Variants in ERBB3 observed in about 807,000 individuals in gnomAD.
ERBB3 encodes receptor tyrosine-protein kinase erbB-3.
ERBB3 carries 96 observed loss-of-function variants against 156.7 expected under a neutral mutation model. That is an observed-to-expected ratio of 0.61 (90% CI 0.52 to 0.73). The LOEUF is 0.73. Ranked by LOEUF, ERBB3 falls within the 30% of genes least tolerant of loss-of-function variation. ERBB3 has a pLI of 0.00. For missense variants in ERBB3, 1,406 were observed against 1,709.4 expected (o/e 0.82, Z 3.13); for synonymous variants, 567 against 632.0 (o/e 0.90, Z 1.54).
chr12:56,101,550 G>A lies in ERBB3; in HGVS notation c.3524G>A (p.Gly1175Asp), dbSNP rs2136829987. Residue 1175 changes from glycine to aspartate, a missense_variant, in exon 28 of 28, where the codon GGC becomes GAC. Physicochemically the swap from Gly to Asp is moderately conservative, Grantham distance 94. Transcript: ENST00000267101. Reference protein sequence around the residue: ...HLKGTPSSREGTLSSVGLSSV... With the variant: ...HLKGTPSSREDTLSSVGLSSV... ...CCAGGTACTCCCTCCTCCCGGGAAG[G>A]CACCCTTTCTTCAGTGGGTCTCAGT... 3 of 1,614,028 alleles carry A rather than the reference G, an allele frequency of 1.9e-6. No homozygotes were observed. Among genetic ancestry groups the A allele is most frequent in the Non-Finnish European group, 2.5e-6 (3 of 1,179,994 alleles).
In ERBB3 at chr12:56,101,246, T is replaced by C. The variant is rs1869089558; in HGVS notation, c.3387T>C (p.Asp1129=). ...SRSRSPRPRG[D]SAYHSQRHSL... Reference sequence around the variant, plus strand: ...GCCGGAGCCCACGGCCACGCGGAGATAGCGCCTACCATTCCCAGCGCCACA... The same window carrying C: ...GCCGGAGCCCACGGCCACGCGGAGACAGCGCCTACCATTCCCAGCGCCACA... The change falls in exon 27 of 28, where the codon GAT becomes GAC. Residue 1129 remains aspartate, a synonymous_variant. Coordinates refer to ENST00000267101, the MANE Select transcript of ERBB3 (RefSeq NM_001982.4). The C allele has an allele frequency of 1.9e-6, 3 of 1,614,082 alleles. No individual in the cohort carries two copies. Among genetic ancestry groups the C allele is most frequent in the East Asian group, 2.2e-5 (1 of 44,868 alleles).
chr12:56,091,300 A>T (rs60809187), intron 9 of ERBB3, among the ~76,000 whole-genome samples: 1 of 1,688 alleles, frequency 5.9e-4, no homozygotes, highest in Non-Finnish European at 1.3e-3. Context: ...ATATATAAAT[A>T]ATATATATAA....
chr12:56,099,527 G>T, intron 23 of ERBB3, 121 bp from the exon 24 acceptor site: 1 of 805,822 alleles, frequency 1.2e-6, no homozygotes, highest in Non-Finnish European at 2.2e-6. Context: ...TCAAAGTCCC[G>T]ACCTCAGGTG....
rs753637842 is a variant in ERBB3, at chr12:56,088,821, C to T, written c.1062C>T (p.Cys354=). ...GCAACATTGATGGATTTGTGAACTG[C>T]ACCAAGATCCTGGGCAACCTGGACT... is the stretch of plus-strand genomic sequence containing the variant. ...DSSNIDGFVN[C]TKILGNLDFL... The change falls in exon 9 of 28, where the codon TGC becomes TGT. Residue 354 remains cysteine (C), a synonymous_variant. Coordinates refer to ENST00000267101, the MANE Select transcript of ERBB3 (RefSeq NM_001982.4). The T allele has an allele frequency of 6.2e-7, 1 of 1,614,172 alleles. No individual in the cohort carries two copies. The highest frequency in any genetic ancestry group is 8.5e-7 in the Non-Finnish European group (1 of 1,180,028).
intron 15 of ERBB3, 93 bp from the exon 16 acceptor site, chr12:56,095,164 G>A: frequency 1.0e-6 from 1 of 997,018 alleles, no homozygotes; most frequent in Non-Finnish European, 1.6e-6. Context: ...GGATGCCACG[G>A]TAAGTTCTGA....
chr12:56,083,815 G>A lies in ERBB3; in HGVS notation c.147G>A (p.Leu49=), dbSNP rs2136785770. The A allele has an allele frequency of 6.2e-7, 1 of 1,614,108 alleles. No individual in the cohort carries two copies. ...ATGCTGAGAACCAATACCAGACACT[G>A]TACAAGCTCTACGAGAGGTGTGAGG... The part of the protein sequence containing the change: ...TGDAENQYQT[L]YKLYERCEVV... The change falls in exon 2 of 28, where the codon CTG becomes CTA. Residue 49 remains leucine, a synonymous_variant. Transcript: ENST00000267101.
chr12:56,093,622 C>A, intron 12 of ERBB3, 72 bp downstream of exon 12: 1 of 1,562,814 alleles, frequency 6.4e-7, no homozygotes, highest in Non-Finnish European at 8.7e-7. Flanking sequence ...ACTATTCTGC[C>A]CTAGACGTGG....
chr12:56,092,545 A>T (rs369678742), intron 9 of ERBB3, among the ~76,000 whole-genome samples: 1 of 151,680 alleles, frequency 6.6e-6, no homozygotes, highest in Non-Finnish European at 1.5e-5. Context: ...TTTGGGCTGT[A>T]CCCTTAATTC....
In ERBB3 at chr12:56,102,990, C is replaced by G. The variant is rs1269909525; in HGVS notation, c.*935C>G. The G allele has an allele frequency of 4.4e-6, 1 of 229,476 alleles. No individual in the cohort carries two copies. The highest frequency in any genetic ancestry group is 8.6e-6 in the Non-Finnish European group (1 of 115,778). The allele number at this position is 229,476 out of a possible 1,614,324, so 14.2% of individuals were successfully genotyped here. A position where few individuals can be genotyped will look rare whatever the true frequency, so the allele number is the denominator to read the frequency against. ...GGGGAAAAAAAAAAAAGAAACTGAGCCTTAAAGAGATGAAATAAATTAAGC... is the reference window on the plus strand; with the variant it reads ...GGGGAAAAAAAAAAAAGAAACTGAGGCTTAAAGAGATGAAATAAATTAAGC... On this transcript the variant is annotated 3_prime_UTR_variant, in exon 28 of 28. Transcript: ENST00000267101.
intron 9 of ERBB3, among the ~76,000 whole-genome samples, chr12:56,090,332 T>A (rs998912016): frequency 6.6e-6 from 1 of 151,876 alleles, no homozygotes; most frequent in East Asian, 1.9e-4. Context: ...ATCCTCCAAA[T>A]GTTAACATAC....
rs984328693 is a variant in ERBB3, at chr12:56,085,431, G to A, written c.421+250G>A. Reference sequence around the variant, plus strand: ...GGAGTCAGAGCTGGATCTGTTAACCGTTTTTCTAATTTCAAAGTACAGTGT... The same window carrying A: ...GGAGTCAGAGCTGGATCTGTTAACCATTTTTCTAATTTCAAAGTACAGTGT... On this transcript the variant is annotated intron_variant, in intron 3 of 27. Coordinates refer to ENST00000267101, the MANE Select transcript of ERBB3 (RefSeq NM_001982.4). 110 of 1,418,202 alleles carry A rather than the reference G, an allele frequency of 7.8e-5. 1 individual carries two copies. The African/African-American group carries it at 9.1e-4, about 12-fold the overall frequency. 87.9% of individuals were successfully genotyped at this position (1,418,202 alleles called of 1,614,324 possible). A position where few individuals can be genotyped will look rare whatever the true frequency, so the allele number is the denominator to read the frequency against.
At position 56,101,927 on chromosome 12, in the gene ERBB3, C is replaced by T. The variant is rs1869124034; in HGVS notation, c.3901C>T (p.Gln1301Ter). 1 of 1,613,214 alleles carries T rather than the reference C, an allele frequency of 6.2e-7. No individual in the cohort carries two copies. The highest frequency in any genetic ancestry group is 8.5e-7 in the Non-Finnish European group (1 of 1,179,740). ...GAGAGCTTTTCAGGGGCCTGGACAT[C>T]AGGCCCCCCATGTCCATTATGCCCG... ...EMRAFQGPGH[Q>*]APHVHYARLK... Residue 1301 changes from glutamine to a stop codon, truncating the protein, a stop_gained, in exon 28 of 28, where the codon CAG becomes TAG. Coordinates refer to ENST00000267101, the MANE Select transcript of ERBB3 (RefSeq NM_001982.4). LOFTEE classifies it high-confidence loss of function.
At chr12:56,097,658 C>T in intron 20 of ERBB3, 127 bp from the exon 21 acceptor site, 1 of 1,005,400 alleles carries the variant, frequency 9.9e-7, no homozygotes, top group Non-Finnish European at 1.6e-6. Context: ...TTCCACAAAA[C>T]CAGTCCCTGG....
Position 56,085,155 on chromosome 12 carries a change from G to A in ERBB3, c.395G>A (p.Arg132His), listed in dbSNP as rs984193019. Residue 132 changes from arginine to histidine, a missense_variant, in exon 3 of 28, where the codon CGC becomes CAC. Arg to His is a conservative substitution (Grantham distance 29). Coordinates refer to ENST00000267101, the MANE Select transcript of ERBB3 (RefSeq NM_001982.4). ...NYNTNSSHALRQLRLTQLTEI... is the reference protein window; with the variant it reads ...NYNTNSSHALHQLRLTQLTEI... ...AACACCAACTCCAGCCACGCTCTGC[G>A]CCAGCTCCGCTTGACTCAGCTCACC... is the stretch of plus-strand genomic sequence containing the variant. The A allele has an allele frequency of 8.1e-6, 13 of 1,614,056 alleles. No individual in the cohort carries two copies. Among genetic ancestry groups the A allele is most frequent in the African/African-American group, 1.3e-5 (1 of 74,994 alleles).
chr12:56,082,362 G>C (rs554294309), intron 1 of ERBB3, among the ~76,000 whole-genome samples: 21 of 152,246 alleles, frequency 1.4e-4, no homozygotes, highest in African/African-American at 4.8e-4. Flanking sequence ...GGGTGGGGCT[G>C]TTCCAGAAAT....
chr12:56,094,018 A>G lies in ERBB3; in HGVS notation c.1614-81A>G, dbSNP rs1868807948. The G allele has an allele frequency of 2.6e-6, 4 of 1,554,700 alleles. No individual in the cohort carries two copies. The East Asian group carries it at 9.0e-5, about 35-fold the overall frequency. On this transcript the variant is annotated intron_variant, in intron 13 of 27. Coordinates refer to ENST00000267101, the MANE Select transcript of ERBB3 (RefSeq NM_001982.4). ...GCATGTGCCTTGGTGGGATTGAGGT[A>G]GGAGACCTGTGGTTGTGAGATCGGA... is the stretch of plus-strand genomic sequence containing the variant.
chr12:56,096,965 G>T, intron 19 of ERBB3, 80 bp from the exon 20 acceptor site: 2 of 1,466,412 alleles, frequency 1.4e-6, no homozygotes, highest in Non-Finnish European at 9.5e-7. Flanking sequence ...TTGGGGGTGG[G>T]GGGGCCTGGG....
rs2136822674 is a variant in ERBB3, at chr12:56,098,831, A to G, written c.2765A>G (p.Asp922Gly). The G allele has an allele frequency of 6.2e-7, 1 of 1,614,014 alleles. No individual in the cohort carries two copies. Among genetic ancestry groups the G allele is most frequent in the East Asian group, 2.2e-5 (1 of 44,888 alleles). Residue 922 changes from aspartate to glycine, a missense_variant, in exon 23 of 28, where the codon GAC (aspartate) becomes GGC (glycine). By Grantham distance (94) the Asp-to-Gly change is moderately conservative (BLOSUM62 -1). This residue lies in a region of ERBB3 where 979 missense variants were observed against 1,219.6 expected (regional missense o/e 0.80). Coordinates refer to ENST00000267101, the MANE Select transcript of ERBB3 (RefSeq NM_001982.4). ...GGGCTACGATTGGCTGAAGTACCAGACCTGCTAGAGAAGGGGGAGCGGTTG... is the reference window on the plus strand; with the variant it reads ...GGGCTACGATTGGCTGAAGTACCAGGCCTGCTAGAGAAGGGGGAGCGGTTG... ...YAGLRLAEVP[D>G]LLEKGERLAQ...
In ERBB3 at chr12:56,086,633, T is replaced by C; in HGVS notation, c.524T>C (p.Val175Ala). 1 of 1,614,074 alleles carries C rather than the reference T, an allele frequency of 6.2e-7. No individual in the cohort carries two copies. Among genetic ancestry groups the C allele is most frequent in the Middle Eastern group, 1.6e-4 (1 of 6,062 alleles). Reference sequence around the variant, plus strand: ...GTGAGGGACCGAGATGCTGAGATAGTGGTGAAGGACAATGGCAGAAGCTGT... The same window carrying C: ...GTGAGGGACCGAGATGCTGAGATAGCGGTGAAGGACAATGGCAGAAGCTGT... ...DIVRDRDAEIVVKDNGRSCPP... is the reference protein window; with the variant it reads ...DIVRDRDAEIAVKDNGRSCPP... Residue 175 changes from valine to alanine, a missense_variant, in exon 4 of 28, where the codon GTG becomes GCG. Transcript: ENST00000267101.
Sources: allele counts gnomAD v4.1 joint callset (sites outside exome capture counted in the v4.1 genomes callset), GRCh38; gene constraint gnomAD v4.1.1; regional missense constraint gnomAD v4.1.1; transcripts MANE v1.5; gene names NCBI Gene and HGNC (gene_info 2026-07-23, HGNC 2026-07-21).